Variants in DPP6 observed in about 807,000 individuals in gnomAD.
The protein encoded by DPP6 is A-type potassium channel modulatory protein DPP6.
In DPP6, 69 loss-of-function variants were observed where a neutral mutation model predicts 122.6. The ratio of observed to expected loss-of-function variants is 0.56; its 90% CI spans 0.46 to 0.69. DPP6 has a LOEUF of 0.69. DPP6 is among the 30% of genes least tolerant of loss of function. The pLI is 0.00. For synonymous variants in DPP6, 418 were observed against 433.1 expected (o/e 0.97, Z 0.43); for missense variants, 928 against 1,116.9 (o/e 0.83, Z 2.41).
chr7:154,727,660 A>G (rs1030090116), intron 7 of DPP6, 107 bp from the exon 8 acceptor site: 5 of 1,422,744 alleles, frequency 3.5e-6, no homozygotes, highest in Non-Finnish European at 4.7e-6. Context: ...TCTAATAAAT[A>G]CAACAGGAAA....
chr7:154,740,705 A>G (rs1842777670), intron 8 of DPP6, among the ~76,000 whole-genome samples: 1 of 152,220 alleles, frequency 6.6e-6, no homozygotes, highest in Non-Finnish European at 1.5e-5. Flanking sequence ...CTTAGTAAAC[A>G]TACGGGAGCA....
chr7:154,718,538 A>G (rs867447095), intron 7 of DPP6, among the ~76,000 whole-genome samples: 26 of 150,464 alleles, frequency 1.7e-4, no homozygotes, highest in South Asian at 8.5e-4. Flanking sequence ...TTTTGTCTCT[A>G]TTCTACTCCC....
chr7:153,851,786 C>T, the DPP6 span, among the ~76,000 whole-genome samples: 1 of 152,014 alleles, frequency 6.6e-6, no homozygotes, highest in Non-Finnish European at 1.5e-5. Context: ...TATCACAAAT[C>T]CCAGATCTAT....
rs1290078969 is a variant in DPP6 at position 154,060,193 on chromosome 7, G to A, written c.243+7130G>A. 6.2e-5 allele frequency among the ~76,000 whole-genome samples: 9 copies of A among 144,938 alleles called. No individual in the cohort carries two copies. In the East Asian group the frequency reaches 1.2e-3, roughly 20 times the overall value. On this transcript the variant is annotated intron_variant, in intron 1 of 25. Transcript: ENST00000377770. Reference sequence around the variant, plus strand: ...GGGGGGGAGGCACCCCTCACGACACGGGGACTGAGAGCGAGCCCCTCTTCC... The same window carrying A: ...GGGGGGGAGGCACCCCTCACGACACAGGGACTGAGAGCGAGCCCCTCTTCC...
At chr7:153,781,281 T>A in the DPP6 span, among the ~76,000 whole-genome samples, 43 of 152,180 alleles carry the variant, frequency 2.8e-4, 1 homozygote, top group African/African-American at 8.4e-4. Context: ...CAGTCGGAGA[T>A]GAGAAATAGC....
chr7:154,192,752 G>A (rs547383834), intron 1 of DPP6, among the ~76,000 whole-genome samples: 10 of 152,284 alleles, frequency 6.6e-5, no homozygotes, highest in African/African-American at 1.9e-4. Flanking sequence ...ATAGAAATAC[G>A]GAATTTTATA....
chr7:153,833,719 T>G, the DPP6 span, among the ~76,000 whole-genome samples: 2 of 151,596 alleles, frequency 1.3e-5, no homozygotes, highest in African/African-American at 4.8e-5. Flanking sequence ...CAAATTCACC[T>G]ATCTGGCTTT....
At chr7:154,842,866 G>C (rs1352600152) in intron 16 of DPP6, among the ~76,000 whole-genome samples, 1 of 152,168 alleles carries the variant, frequency 6.6e-6, no homozygotes, top group Non-Finnish European at 1.5e-5. Flanking sequence ...GTATATTTCA[G>C]TTTGAACATC....
the DPP6 span, among the ~76,000 whole-genome samples, chr7:153,872,921 C>G: frequency 1.3e-5 from 2 of 152,198 alleles, no homozygotes; most frequent in Non-Finnish European, 2.9e-5. Context: ...TCATACTCTA[C>G]AGCTAGATGG....
intron 1 of DPP6, among the ~76,000 whole-genome samples, chr7:154,277,847 G>A (rs1391029462): frequency 6.6e-6 from 1 of 152,204 alleles, no homozygotes; most frequent in Non-Finnish European, 1.5e-5. Context: ...CCTTTGTGTA[G>A]TTTCTTGATG....
rs544477116 is a variant in DPP6, at chr7:154,620,847, C to T, written c.628-16974C>T. ...TTGGTGGACTCCTCCCCATCCACAG[C>T]GGCAGACAACTCACATTAAATATGA... On this transcript the variant is annotated intron_variant, in intron 5 of 25. Transcript: ENST00000377770. Among the ~76,000 whole-genome samples, 57 of 152,298 alleles carry T rather than the reference C, an allele frequency of 3.7e-4. 1 individual carries two copies. In the South Asian group the frequency reaches 5.2e-3, roughly 14 times the overall value.
At chr7:154,041,759 G>GT (rs11408876) in intron 1 of DPP6, among the ~76,000 whole-genome samples, 3,953 of 151,284 alleles carry the variant, frequency 0.026, 162 homozygotes, top group African/African-American at 0.092. Flanking sequence ...TGTTTTTTTT[G>GT]TTGTTTGTTT....
chr7:154,612,374 C>T lies in DPP6; in HGVS notation c.628-25447C>T, dbSNP rs142332388. ...ATCTATTGACCGTCTCTAATAATGT[C>T]ATTTCAAGAATGTTATATAAACAGA... On this transcript the variant is annotated intron_variant, in intron 5 of 25. Coordinates refer to ENST00000377770, the MANE Select transcript of DPP6 (RefSeq NM_130797.4). Among the ~76,000 whole-genome samples the T allele has an allele frequency of 1.6e-4, 25 of 152,354 alleles. No individual in the cohort carries two copies. In the East Asian group the frequency reaches 2.7e-3, roughly 16 times the overall value.
chr7:154,744,233 GC>G (rs931496476), intron 8 of DPP6, among the ~76,000 whole-genome samples: 1 of 151,916 alleles, frequency 6.6e-6, no homozygotes, highest in African/African-American at 2.4e-5. Context: ...CACCACACCC[GC>G]CCCCCAGTAT....
the DPP6 span, among the ~76,000 whole-genome samples, chr7:153,791,160 G>T: frequency 6.6e-6 from 1 of 152,126 alleles, no homozygotes. Flanking sequence ...TTTTGTTGGG[G>T]TTTCATTGAT....
At chr7:153,852,830 C>T in the DPP6 span, among the ~76,000 whole-genome samples, 7 of 152,272 alleles carry the variant, frequency 4.6e-5, no homozygotes, top group South Asian at 1.0e-3. Context: ...TTTTCACACA[C>T]GAGTTAAGTA....
At position 154,004,945 on chromosome 7, in the gene DPP6, A is replaced by C. The variant is rs71530491; in HGVS notation, c.51+117211A>C. On this transcript the variant is annotated intron_variant, in intron 1 of 25. Transcript: ENST00000404039. The stretch of plus-strand genomic sequence containing the variant: ...CCTATAATAGTTGTTAATGGTTTTA[A>C]AGAGGGTCATGATAGTCCGTTATGT... Among the ~76,000 whole-genome samples, 223 of 152,280 alleles carry C rather than the reference A, an allele frequency of 1.5e-3. 1 individual carries two copies. Among genetic ancestry groups the C allele is most frequent in the African/African-American group, 5.1e-3 (211 of 41,554 alleles).
chr7:154,290,285 A>G (rs925734041), intron 1 of DPP6, among the ~76,000 whole-genome samples: 1 of 152,112 alleles, frequency 6.6e-6, no homozygotes, highest in Non-Finnish European at 1.5e-5. Flanking sequence ...GTTTTTATTC[A>G]TCTCTAATGT....
In DPP6 at chr7:154,696,129, C is replaced by T. The variant is rs750552403; in HGVS notation, c.762+26688C>T. On this transcript the variant is annotated intron_variant, in intron 7 of 25. Coordinates refer to ENST00000377770, the MANE Select transcript of DPP6 (RefSeq NM_130797.4). ...AAAACTCATGCGATCCTCAGAGCCC[C>T]GCCTCATCAGCCGGAGGACAGGGGT... Among the ~76,000 whole-genome samples, 146 of 152,340 alleles carry T rather than the reference C, an allele frequency of 9.6e-4. 1 individual carries two copies. Among genetic ancestry groups the T allele is most frequent in the Middle Eastern group, 6.8e-3 (2 of 294 alleles).
Sources: gnomAD v4.1 joint callset for allele counts (sites outside exome capture counted in the v4.1 genomes callset) on GRCh38, gnomAD v4.1.1 for gene constraint, MANE v1.5 for transcripts, NCBI Gene and HGNC (gene_info 2026-07-23, HGNC 2026-07-21) for gene names.